MTMR12: variants seen among roughly 807,000 people sequenced by gnomAD.
MTMR12 encodes myotubularin-related protein 12.
Under a neutral mutation model 96.7 loss-of-function variants are expected in MTMR12, and 33 were observed. That is an observed-to-expected ratio of 0.34 (90% CI 0.26 to 0.46). MTMR12 has a LOEUF of 0.46. Among genes scored for constraint, MTMR12 ranks in the 20% least tolerant of loss-of-function variants. The probability of loss-of-function intolerance (pLI) is 1.00; values close to 1 mark genes in which losing one functional copy is unlikely to be tolerated. For synonymous variants in MTMR12, 298 were observed against 327.2 expected (o/e 0.91, Z 0.96); for missense variants, 721 against 896.1 (o/e 0.80, Z 2.49).
Position 32,268,717 on chromosome 5 carries a change from A to T in MTMR12, c.567T>A (p.Ala189=), listed in dbSNP as rs1463545275. 6 of 1,613,722 alleles carry T rather than the reference A, an allele frequency of 3.7e-6. 1 individual carries two copies. In the South Asian group the frequency reaches 6.6e-5, roughly 18 times the overall value. Residue 189 remains alanine (A), a synonymous_variant, in exon 6 of 16, where the codon GCT becomes GCA. Coordinates refer to ENST00000382142, the MANE Select transcript of MTMR12 (RefSeq NM_001040446.3). ...KRLFLFSYAT[A]AQNNTVTDPK... is the part of the protein sequence containing the mutation. ...GATATTTACCTGTATTGTTTTGTGC[A>T]GCAGTCGCATAGGAAAACAGAAATA...
chr5:32,269,537 T>G (rs1749751474), intron 5 of MTMR12, among the ~76,000 whole-genome samples: 1 of 152,188 alleles, frequency 6.6e-6, no homozygotes. Flanking sequence ...ACTCCTGACC[T>G]CAGGTGATCC....
At chr5:32,287,418 G>T (rs976927778) in intron 1 of MTMR12, among the ~76,000 whole-genome samples, 5 of 152,196 alleles carry the variant, frequency 3.3e-5, no homozygotes, top group African/African-American at 1.2e-4. Context: ...TCAAACATCA[G>T]ACTCCAAGTT....
intron 10 of MTMR12, among the ~76,000 whole-genome samples, chr5:32,245,279 G>A (rs896690522): frequency 2.6e-5 from 4 of 152,088 alleles, no homozygotes; most frequent in African/African-American, 4.8e-5. Context: ...CTGGTGATCC[G>A]CCCACCTCGG....
intron 7 of MTMR12, among the ~76,000 whole-genome samples, chr5:32,260,929 T>C (rs1354604404): frequency 6.6e-6 from 1 of 151,680 alleles, no homozygotes; most frequent in East Asian, 2.0e-4. Context: ...GATTATACAG[T>C]CATGCTTTAA....
At chr5:32,266,462 C>A (rs553059153) in intron 6 of MTMR12, among the ~76,000 whole-genome samples, 108 of 149,966 alleles carry the variant, frequency 7.2e-4, no homozygotes, top group Non-Finnish European at 7.3e-4. Flanking sequence ...CCAAGGCGGG[C>A]AGATCACTTC....
chr5:32,283,733 TAG>T (rs969373775), intron 1 of MTMR12, among the ~76,000 whole-genome samples: 8 of 152,152 alleles, frequency 5.3e-5, no homozygotes, highest in African/African-American at 1.9e-4. Flanking sequence ...ATGAGAGTTA[TAG>T]AGAGGCCAAG....
chr5:32,232,901 A>C, intron 15 of MTMR12: 1 of 924,892 alleles, frequency 1.1e-6, no homozygotes. Context: ...GAAGCCCTCC[A>C]GATCAGGCAG....
intron 1 of MTMR12, among the ~76,000 whole-genome samples, chr5:32,289,022 C>G (rs1308474890): frequency 6.6e-6 from 1 of 152,214 alleles, no homozygotes; most frequent in Non-Finnish European, 1.5e-5. Flanking sequence ...ACAGTGGGAA[C>G]TGCAATCACT....
At chr5:32,262,647 T>C (rs937276536) in intron 7 of MTMR12, among the ~76,000 whole-genome samples, 5 of 151,936 alleles carry the variant, frequency 3.3e-5, no homozygotes, top group African/African-American at 1.2e-4. Context: ...CAAAAAACAT[T>C]ATTCAAAGAG....
At chr5:32,310,122 C>T (rs1225824956) in intron 1 of MTMR12, among the ~76,000 whole-genome samples, 1 of 152,106 alleles carries the variant, frequency 6.6e-6, no homozygotes, top group African/African-American at 2.4e-5. Context: ...TGAGAGCAGC[C>T]TGGGCAAAGA....
At chr5:32,244,116 TA>T (rs1561748951) in intron 10 of MTMR12, among the ~76,000 whole-genome samples, 2 of 152,052 alleles carry the variant, frequency 1.3e-5, no homozygotes, top group East Asian at 3.9e-4. Flanking sequence ...CCAATATATT[TA>T]AAAGCTGCAA....
In MTMR12 at chr5:32,228,591, G is replaced by GATATATATATATAATATATATGTGAT. The variant is rs1747850285; in HGVS notation, c.*1186_*1187insATCACATATATATTATATATATATAT. On this transcript the variant is annotated 3_prime_UTR_variant, in exon 16 of 16. Coordinates refer to ENST00000382142, the MANE Select transcript of MTMR12 (RefSeq NM_001040446.3). ...TATCATATATATATCATATATATGT[G>GATATATATATATAATATATATGTGAT]ATATATATATATATATCATATATAT... The GATATATATATATAATATATATGTGAT allele has an allele frequency of 9.6e-6, 1 of 103,670 alleles. No homozygotes were observed. Among genetic ancestry groups the GATATATATATATAATATATATGTGAT allele is most frequent in the African/African-American group, 3.9e-5 (1 of 25,430 alleles). 6.4% of individuals were successfully genotyped at this position (103,670 alleles called of 1,614,324 possible).
At position 32,242,041 on chromosome 5, in the gene MTMR12, G is replaced by T. The variant is rs1408278803; in HGVS notation, c.1171+16C>A. On this transcript the variant is annotated intron_variant, in intron 12 of 15. Coordinates refer to ENST00000382142, the MANE Select transcript of MTMR12 (RefSeq NM_001040446.3). ...AAGGAAAATGGAAATCATCCTTTGT[G>T]CTTCCTATATATTACCTAAAAGAAG... 1 of 1,586,316 alleles carries T rather than the reference G, an allele frequency of 6.3e-7. No individual in the cohort carries two copies. The highest frequency in any genetic ancestry group is 8.6e-7 in the Non-Finnish European group (1 of 1,157,690).
chr5:32,292,188 A>C (rs925243149), intron 1 of MTMR12, among the ~76,000 whole-genome samples: 2 of 152,104 alleles, frequency 1.3e-5, no homozygotes, highest in Non-Finnish European at 2.9e-5. Context: ...AGGTGACAAT[A>C]ATTTGCAGGG....
chr5:32,232,853 T>C lies in MTMR12; in HGVS notation c.1674+920A>G, dbSNP rs944456321. 5.8e-6 allele frequency: 4 copies of C among 684,142 alleles called. No individual in the cohort carries two copies. The African/African-American group carries it at 5.9e-5, about 10-fold the overall frequency. 42.4% of individuals were successfully genotyped at this position (684,142 alleles called of 1,614,324 possible). ...CCCAGGTCCCCAGTCCTCTTTAGAATGGAACCAACTCTGACACCAGAAAGG... is the reference window on the plus strand; with the variant it reads ...CCCAGGTCCCCAGTCCTCTTTAGAACGGAACCAACTCTGACACCAGAAAGG... On this transcript the variant is annotated intron_variant, in intron 15 of 15. Transcript: ENST00000382142.
At chr5:32,265,875 T>C (rs547107232) in intron 6 of MTMR12, among the ~76,000 whole-genome samples, 1 of 152,346 alleles carries the variant, frequency 6.6e-6, no homozygotes, top group Admixed American at 6.5e-5. Flanking sequence ...GGTTTTCTTA[T>C]TTTAACAGAG....
chr5:32,277,934 A>G (rs1750125400), intron 1 of MTMR12, among the ~76,000 whole-genome samples: 2 of 152,222 alleles, frequency 1.3e-5, no homozygotes, highest in Admixed American at 1.3e-4. Context: ...TTCTTTGTCC[A>G]TTCAAAGTTA....
chr5:32,287,495 C>T (rs903108439), intron 1 of MTMR12, among the ~76,000 whole-genome samples: 1 of 152,160 alleles, frequency 6.6e-6, no homozygotes, highest in Non-Finnish European at 1.5e-5. Context: ...ACTGTGGGAA[C>T]TTGTGATCAT....
intron 1 of MTMR12, among the ~76,000 whole-genome samples, chr5:32,281,557 C>A (rs764376479): frequency 3.3e-5 from 5 of 152,144 alleles, no homozygotes; most frequent in African/African-American, 7.2e-5. Context: ...CAATAGAAAG[C>A]ACTTTGAACC....
Sources: gnomAD v4.1 joint callset for allele counts (sites outside exome capture counted in the v4.1 genomes callset) on GRCh38, gnomAD v4.1.1 for gene constraint, MANE v1.5 for transcripts, NCBI Gene and HGNC (gene_info 2026-07-23, HGNC 2026-07-21) for gene names.